The following CTBP2 variants were observed in gnomAD, a reference collection of about 807,000 sequenced individuals.
CTBP2 encodes the protein C-terminal-binding protein 2.
CTBP2 carries 30 observed loss-of-function variants against 80.3 expected under a neutral mutation model. That is an observed-to-expected ratio of 0.37 (90% CI 0.28 to 0.51). CTBP2 has a LOEUF of 0.51. Ranked by LOEUF, CTBP2 falls within the 20% of genes least tolerant of loss-of-function variation. CTBP2 has a pLI of 0.93. For missense variants in CTBP2, 1,212 were observed against 1,375.3 expected (o/e 0.88, Z 1.88); for synonymous variants, 594 against 587.4 (o/e 1.01, Z -0.16).
chr10:125,034,018 C>T (rs532498524), intron 3 of CTBP2, among the ~76,000 whole-genome samples: 75 of 152,298 alleles, frequency 4.9e-4, no homozygotes, highest in African/African-American at 1.8e-3. Context: ...ACTACACATC[C>T]CTGGCCCCCC....
At chr10:125,105,580 C>A (rs1481000910) in intron 2 of CTBP2, among the ~76,000 whole-genome samples, 1 of 152,128 alleles carries the variant, frequency 6.6e-6, no homozygotes, top group Non-Finnish European at 1.5e-5. Flanking sequence ...AACTAATGCC[C>A]CTTTACACTT....
intron 1 of CTBP2, among the ~76,000 whole-genome samples, chr10:125,153,093 G>A (rs1393062542): frequency 1.3e-5 from 2 of 152,194 alleles, no homozygotes; most frequent in Non-Finnish European, 2.9e-5. Context: ...CATCTGGCCC[G>A]GCAGCTCCAA....
chr10:124,999,252 T>C (rs1954092239), intron 3 of CTBP2: 1 of 152,334 alleles, frequency 6.6e-6, no homozygotes, highest in Non-Finnish European at 1.5e-5. Flanking sequence ...AATGGTTCCC[T>C]CCTAATCCCA....
intron 1 of CTBP2, among the ~76,000 whole-genome samples, chr10:125,126,250 G>C (rs183877617): frequency 1.3e-5 from 2 of 152,280 alleles, no homozygotes; most frequent in East Asian, 3.9e-4. Context: ...GGGTCGAGAG[G>C]AATGCTACCT....
chr10:124,991,327 C>T (rs1051162968), intron 8 of CTBP2, among the ~76,000 whole-genome samples: 2 of 152,174 alleles, frequency 1.3e-5, no homozygotes, highest in Non-Finnish European at 2.9e-5. Flanking sequence ...GTCCCTTCCT[C>T]AGTGCACACA....
Position 125,057,841 on chromosome 10 carries a change from G to A in CTBP2, c.-101-18686C>T, listed in dbSNP as rs750608194. 4.6e-5 allele frequency among the ~76,000 whole-genome samples: 7 copies of A among 152,190 alleles called. No individual in the cohort carries two copies. The East Asian group carries it at 7.8e-4, about 17-fold the overall frequency. On this transcript the variant is annotated intron_variant, in intron 2 of 10. Transcript: ENST00000337195. ...TCAGTAAAAAGCATCCCAGTGCTTC[G>A]GGCAACAGACTGGCCTGGACTTCGT...
chr10:125,093,969 C>G (rs1395989283), intron 2 of CTBP2, among the ~76,000 whole-genome samples: 1 of 152,150 alleles, frequency 6.6e-6, no homozygotes, highest in Non-Finnish European at 1.5e-5. Flanking sequence ...CAGTGGGAGG[C>G]GAGACGGCAA....
chr10:125,043,981 C>T (rs1347294301), intron 2 of CTBP2, among the ~76,000 whole-genome samples: 1 of 152,204 alleles, frequency 6.6e-6, no homozygotes, highest in African/African-American at 2.4e-5. Context: ...TAAGCAAGTC[C>T]TGCCAAAGTT....
chr10:124,989,017 G>T lies in CTBP2; in HGVS notation c.*501C>A, dbSNP rs1589871011. ...ACTGTCTTCAATCCTATGCGTGCAGGTGTCTACCACAGGCAAACAGTTTTC... is the reference window on the plus strand; with the variant it reads ...ACTGTCTTCAATCCTATGCGTGCAGTTGTCTACCACAGGCAAACAGTTTTC... On this transcript the variant is annotated 3_prime_UTR_variant, in exon 9 of 9. Transcript: ENST00000309035. The T allele has an allele frequency of 5.0e-6, 1 of 200,420 alleles. No homozygotes were observed. Among genetic ancestry groups the T allele is most frequent in the Admixed American group, 5.4e-5 (1 of 18,646 alleles). 12.4% of individuals were successfully genotyped at this position (200,420 alleles called of 1,614,324 possible).
intron 1 of CTBP2, among the ~76,000 whole-genome samples, chr10:125,139,140 G>T (rs1218033740): frequency 2.0e-5 from 3 of 152,172 alleles, no homozygotes; most frequent in African/African-American, 7.2e-5. Context: ...GGGAAGCTGA[G>T]GTGGGGAGAT....
intron 2 of CTBP2, among the ~76,000 whole-genome samples, chr10:125,083,937 G>A (rs1171143616): frequency 5.3e-5 from 8 of 152,062 alleles, no homozygotes; most frequent in Admixed American, 4.6e-4. Context: ...GCGCCACCAC[G>A]CCCAGCTGAT....
intron 1 of CTBP2, among the ~76,000 whole-genome samples, chr10:125,019,776 C>T (rs1487004387): frequency 4.6e-5 from 7 of 152,214 alleles, no homozygotes; most frequent in Non-Finnish European, 8.8e-5. Context: ...GTCACACCAA[C>T]GGCATAAGCA....
At chr10:124,993,606 G>T (rs1953023373) in intron 6 of CTBP2, among the ~76,000 whole-genome samples, 1 of 152,204 alleles carries the variant, frequency 6.6e-6, no homozygotes, top group South Asian at 2.1e-4. Context: ...TCTGTCTGAA[G>T]ACCAGAACCA....
At chr10:125,015,074 A>G (rs1189911870) in intron 1 of CTBP2, among the ~76,000 whole-genome samples, 1 of 152,192 alleles carries the variant, frequency 6.6e-6, no homozygotes. Context: ...AATGTGCTCC[A>G]CGTTCCTCGA....
intron 2 of CTBP2, among the ~76,000 whole-genome samples, chr10:125,078,086 C>T (rs903835840): frequency 6.6e-6 from 1 of 152,152 alleles, no homozygotes; most frequent in Non-Finnish European, 1.5e-5. Context: ...CGACACCATC[C>T]TGGCTAACAC....
At position 125,009,536 on chromosome 10, in the gene CTBP2, CAAT is replaced by C. The variant is rs1434811378; in HGVS notation, c.1679-6047_1679-6045del. Among the ~76,000 whole-genome samples, 10 of 152,196 alleles carry C rather than the reference CAAT, an allele frequency of 6.6e-5. 1 individual carries two copies. Among genetic ancestry groups the C allele is most frequent in the Admixed American group, 6.5e-4 (10 of 15,282 alleles). On this transcript the variant is annotated intron_variant, in intron 1 of 8. Coordinates refer to ENST00000309035, the MANE Select transcript of CTBP2 (RefSeq NM_022802.3). ...TTCCTCTTAAATGCGGCCTGCTCCC[CAAT>C]TAAGTGGCCGCTTTCTGCAATCCAG...
At chr10:125,029,241 C>G (rs1348414069), upstream of CTBP2, among the ~76,000 whole-genome samples, 2 of 137,344 alleles carry the variant, frequency 1.5e-5, no homozygotes, top group Non-Finnish European at 3.1e-5. Context: ...TTTTTTGAGA[C>G]ACAGTTTTTT....
chr10:125,087,641 G>A (rs1291512498), intron 2 of CTBP2, among the ~76,000 whole-genome samples: 1 of 152,134 alleles, frequency 6.6e-6, no homozygotes, highest in Non-Finnish European at 1.5e-5. Flanking sequence ...CCTTCAGTTT[G>A]ACCAACAATC....
chr10:125,003,167 C>T, intron 2 of CTBP2, 63 bp from the exon 5 acceptor site: 1 of 1,603,358 alleles, frequency 6.2e-7, no homozygotes, highest in Non-Finnish European at 8.5e-7. Flanking sequence ...CACCACTTGG[C>T]CTGGCCCCCT....
Sources: allele counts gnomAD v4.1 joint callset (sites outside exome capture counted in the v4.1 genomes callset), GRCh38; gene constraint gnomAD v4.1.1; transcripts MANE v1.5; gene names NCBI Gene and HGNC (gene_info 2026-07-23, HGNC 2026-07-21).